Variants in CELF2 observed in about 807,000 individuals in gnomAD.
The protein encoded by CELF2 is CUGBP Elav-like family member 2.
A neutral mutation model predicts 62.6 loss-of-function variants in CELF2; 8 were observed. The observed-to-expected ratio is 0.13, with a 90% CI of 0.07 to 0.23. The LOEUF is 0.23. Ranked by LOEUF, CELF2 falls within the 10% of genes least tolerant of loss-of-function variation. The pLI is 1.00. For missense variants in CELF2, 333 were observed against 671.0 expected, an observed-to-expected ratio of 0.50 and a Z score of 5.56; for synonymous variants, 258 against 250.0, an observed-to-expected ratio of 1.03 and a Z score of -0.30.
In CELF2 at chr10:10,882,838, C is replaced by A. The variant is rs140773110; in HGVS notation, c.54-37126C>A. 7.1e-4 allele frequency among the ~76,000 whole-genome samples: 108 copies of A among 152,252 alleles called. No individual in the cohort carries two copies. In the Middle Eastern group the frequency reaches 0.014, roughly 19 times the overall value. ...AATCAAGTTCTGGGTGCACTGCTAACCTTTGATCTCTTTGCCTGTCCCCAT... is the reference window on the plus strand; with the variant it reads ...AATCAAGTTCTGGGTGCACTGCTAAACTTTGATCTCTTTGCCTGTCCCCAT... On this transcript the variant is annotated intron_variant, in intron 1 of 13. Coordinates refer to the CELF2 transcript ENST00000636488.
At position 11,060,297 on chromosome 10, in the gene CELF2, C is replaced by T. The variant is rs116065319; in HGVS notation, c.74+42134C>T. On this transcript the variant is annotated intron_variant, in intron 1 of 12. Transcript: ENST00000633077. Reference sequence around the variant, plus strand: ...AAACTTCCTGGATAGGACAGCTCTGCGTGCACCGTTCCCGGCATAGTCAGT... The same window carrying T: ...AAACTTCCTGGATAGGACAGCTCTGTGTGCACCGTTCCCGGCATAGTCAGT... Among the ~76,000 whole-genome samples, 143 of 152,302 alleles carry T rather than the reference C, an allele frequency of 9.4e-4. 2 individuals carry two copies. The highest frequency in any genetic ancestry group is 2.9e-3 in the African/African-American group (121 of 41,576).
the CELF2 span, among the ~76,000 whole-genome samples, chr10:10,717,030 C>T: frequency 6.6e-6 from 1 of 152,138 alleles, no homozygotes; most frequent in African/African-American, 2.4e-5. Context: ...TCAGTGGGAT[C>T]ATAATGTATT....
At chr10:10,710,804 C>T in the CELF2 span, among the ~76,000 whole-genome samples, 9 of 152,062 alleles carry the variant, frequency 5.9e-5, no homozygotes, top group East Asian at 1.7e-3. Context: ...TAATTTAATA[C>T]CCTCCTCATT....
intron 1 of CELF2, among the ~76,000 whole-genome samples, chr10:11,139,049 CAA>C (rs1360784736): frequency 2.6e-5 from 4 of 152,116 alleles, no homozygotes; most frequent in South Asian, 4.1e-4. Flanking sequence ...TTAATAACTG[CAA>C]AGATAGGCTC....
chr10:11,202,453 G>C (rs1051672899), intron 2 of CELF2, among the ~76,000 whole-genome samples: 7 of 152,164 alleles, frequency 4.6e-5, no homozygotes, highest in African/African-American at 1.7e-4. Context: ...GTATCTGTGG[G>C]GTGAGCTTTT....
intron 1 of CELF2, among the ~76,000 whole-genome samples, chr10:11,129,234 G>A (rs767665216): frequency 4.5e-4 from 68 of 152,206 alleles, no homozygotes; most frequent in Admixed American, 1.5e-3. Context: ...AAGCCGACTT[G>A]ATATTGGTGG....
intron 1 of CELF2, among the ~76,000 whole-genome samples, chr10:11,101,607 A>T (rs1308641285): frequency 6.6e-6 from 1 of 152,224 alleles, no homozygotes; most frequent in Non-Finnish European, 1.5e-5. Context: ...GATATTGGCA[A>T]CATCATGATC....
At chr10:10,767,387 C>T in the CELF2 span, among the ~76,000 whole-genome samples, 2 of 152,156 alleles carry the variant, frequency 1.3e-5, no homozygotes, top group East Asian at 1.9e-4. Flanking sequence ...TCCAGAATGA[C>T]ATCCTGAGGG....
the CELF2 span, among the ~76,000 whole-genome samples, chr10:10,495,062 G>A: frequency 6.6e-6 from 1 of 152,096 alleles, no homozygotes. Flanking sequence ...AGATCATGAG[G>A]TCAGGAGATC....
rs1356346083 is a variant in CELF2 at position 11,156,508 on chromosome 10, G to A, written c.75-8978G>A. On this transcript the variant is annotated intron_variant, in intron 1 of 12. Coordinates refer to ENST00000633077, the MANE Select transcript of CELF2 (RefSeq NM_001326342.2). This position sits in a 1 kb window ranked among gnomAD's most constrained non-coding sequence, Gnocchi z 4.3. Reference sequence around the variant, plus strand: ...ATGCTTTATTTGTCTCTGTCAAAACGGTCTTTTTAATCGATAAGGCTTACT... The same window carrying A: ...ATGCTTTATTTGTCTCTGTCAAAACAGTCTTTTTAATCGATAAGGCTTACT... Among the ~76,000 whole-genome samples the A allele has an allele frequency of 2.0e-5, 3 of 151,998 alleles. No homozygotes were observed. The highest frequency in any genetic ancestry group is 1.3e-4 in the Admixed American group (2 of 15,258).
chr10:11,072,649 A>G (rs1001720552), intron 1 of CELF2, among the ~76,000 whole-genome samples: 2 of 152,214 alleles, frequency 1.3e-5, no homozygotes, highest in African/African-American at 4.8e-5. Flanking sequence ...ATTTTAAAGC[A>G]AAGGATATAG....
intron 7 of CELF2, among the ~76,000 whole-genome samples, chr10:11,273,177 C>G (rs1172468804): frequency 6.6e-6 from 1 of 152,022 alleles, no homozygotes; most frequent in African/African-American, 2.4e-5. Context: ...ACCGTCGTAC[C>G]TGAGGCTTGG....
At chr10:10,573,093 T>C in the CELF2 span, among the ~76,000 whole-genome samples, 299 of 152,346 alleles carry the variant, frequency 2.0e-3, no homozygotes, top group African/African-American at 6.9e-3. Context: ...TTTGAATTTC[T>C]CTAATAATCA....
At chr10:10,730,751 A>G in the CELF2 span, among the ~76,000 whole-genome samples, 1 of 152,136 alleles carries the variant, frequency 6.6e-6, no homozygotes, top group African/African-American at 2.4e-5. Context: ...TGGTATTTCT[A>G]CTGAAGAGTT....
At chr10:10,495,814 C>T in the CELF2 span, among the ~76,000 whole-genome samples, 2,897 of 152,280 alleles carry the variant, frequency 0.019, 38 homozygotes, top group Non-Finnish European at 0.031. Flanking sequence ...CGTGAGCTCA[C>T]TGATGGTCAT....
the CELF2 span, among the ~76,000 whole-genome samples, chr10:10,677,331 C>A: frequency 2.6e-5 from 4 of 152,152 alleles, no homozygotes; most frequent in East Asian, 7.7e-4. Context: ...AAGGTCCTGG[C>A]ATAAACCCAT....
intron 3 of CELF2, among the ~76,000 whole-genome samples, chr10:11,245,657 A>G (rs2137111004): frequency 6.6e-6 from 1 of 152,322 alleles, no homozygotes; most frequent in Middle Eastern, 3.4e-3. Flanking sequence ...GCACAAGCCA[A>G]TTCTCTGAGC....
chr10:11,287,588 A>C (rs1038180922), intron 8 of CELF2, among the ~76,000 whole-genome samples: 1 of 152,238 alleles, frequency 6.6e-6, no homozygotes, highest in African/African-American at 2.4e-5. Flanking sequence ...TAAAAGGTAA[A>C]TACAAATATT....
chr10:10,651,517 G>A, the CELF2 span, among the ~76,000 whole-genome samples: 1 of 122,232 alleles, frequency 8.2e-6, no homozygotes, highest in African/African-American at 3.0e-5. Flanking sequence ...CACGCAGCTG[G>A]AGATCTGAGA....
Sources: allele counts gnomAD v4.1 joint callset (sites outside exome capture counted in the v4.1 genomes callset), GRCh38; gene constraint gnomAD v4.1.1; non-coding constraint Gnocchi (gnomAD v3.1); transcripts MANE v1.5; gene names NCBI Gene and HGNC (gene_info 2026-07-23, HGNC 2026-07-21).